The following CELF2 variants were observed in gnomAD, a reference collection of about 807,000 sequenced individuals.
The protein encoded by CELF2 is CUG triplet repeat RNA-binding protein 2.
In CELF2, 8 loss-of-function variants were observed where a neutral mutation model predicts 62.6. That is an observed-to-expected ratio of 0.13 (90% CI 0.07 to 0.23). The LOEUF is 0.23. Ranked by LOEUF, CELF2 falls within the 10% of genes least tolerant of loss-of-function variation. The pLI is 1.00. For synonymous variants in CELF2, 258 were observed against 250.0 expected (o/e 1.03, Z -0.30); for missense variants, 333 against 671.0 (o/e 0.50, Z 5.56).
the CELF2 span, among the ~76,000 whole-genome samples, chr10:10,737,788 C>T: frequency 1.3e-5 from 2 of 151,888 alleles, no homozygotes; most frequent in Admixed American, 6.6e-5. Flanking sequence ...ACCTCTGAGT[C>T]AAGGTCAAAA....
the CELF2 span, among the ~76,000 whole-genome samples, chr10:10,513,090 C>T: frequency 0.062 from 9,481 of 152,210 alleles, 470 homozygotes; most frequent in African/African-American, 0.14. Flanking sequence ...CTTGGTTATG[C>T]ACAATGATAA....
At chr10:11,168,086 G>T (rs1213491138) in intron 2 of CELF2, among the ~76,000 whole-genome samples, 1 of 152,140 alleles carries the variant, frequency 6.6e-6, no homozygotes, top group East Asian at 1.9e-4. Flanking sequence ...CCAAGTGAAA[G>T]GAAGAAATTT....
the CELF2 span, among the ~76,000 whole-genome samples, chr10:10,648,078 C>A: frequency 5.3e-5 from 8 of 152,162 alleles, no homozygotes; most frequent in African/African-American, 1.7e-4. Flanking sequence ...GTTGTGCTAT[C>A]CTCAGGATAT....
At chr10:11,087,466 AACTGGCTTCT>A (rs2047126939) in intron 1 of CELF2, among the ~76,000 whole-genome samples, 1 of 152,248 alleles carries the variant, frequency 6.6e-6, no homozygotes, top group Non-Finnish European at 1.5e-5. Context: ...GGGAAGTAGC[AACTGGCTTCT>A]CCATTTAAAT....
At chr10:10,880,639 C>T (rs558850447) in intron 1 of CELF2, among the ~76,000 whole-genome samples, 38 of 152,168 alleles carry the variant, frequency 2.5e-4, no homozygotes, top group Non-Finnish European at 3.1e-4. Context: ...AGCTAAGAAG[C>T]GAACAGACTG....
In CELF2 at chr10:11,211,940, GC is replaced by G. The variant is rs910558531; in HGVS notation, c.272-5484del. 6.6e-6 allele frequency among the ~76,000 whole-genome samples: 1 copy of G among 151,254 alleles called. No individual in the cohort carries two copies. The highest frequency in any genetic ancestry group is 2.4e-5 in the African/African-American group (1 of 41,108). On this transcript the variant is annotated intron_variant, in intron 2 of 12. Transcript: ENST00000633077. The surrounding 1 kb of genome is among the most constrained non-coding windows in gnomAD (Gnocchi z 4.8). ...CTCAAATTATCTAACAGTTAAGCAG[GC>G]AAAATACCTGAGGGAACTCTTCATG...
rs559422034 is a variant in CELF2, at chr10:10,968,308, T to C, written c.89+48309T>C. Among the ~76,000 whole-genome samples the C allele has an allele frequency of 2.0e-5, 3 of 152,300 alleles. No homozygotes were observed. In the South Asian group the frequency reaches 6.2e-4, roughly 32 times the overall value. The stretch of plus-strand genomic sequence containing the variant: ...AAATTTGGAGCACCTAGTTTTTCAT[T>C]TTCTATAAACAATCTGTGTTCCATT... On this transcript the variant is annotated intron_variant, in intron 2 of 13. Coordinates refer to the CELF2 transcript ENST00000636488.
intron 1 of CELF2, among the ~76,000 whole-genome samples, chr10:11,055,991 A>G (rs2065155548): frequency 6.6e-6 from 1 of 152,234 alleles, no homozygotes. Flanking sequence ...TTTTGTGACA[A>G]TGGCCTAAAT....
At chr10:10,977,856 A>G (rs1417172770) in intron 2 of CELF2, among the ~76,000 whole-genome samples, 1 of 152,166 alleles carries the variant, frequency 6.6e-6, no homozygotes, top group Non-Finnish European at 1.5e-5. Flanking sequence ...TTACAGTAAA[A>G]GGGGCATCTT....
the CELF2 span, among the ~76,000 whole-genome samples, chr10:10,493,576 G>C: frequency 6.6e-6 from 1 of 150,868 alleles, no homozygotes; most frequent in African/African-American, 2.4e-5. Context: ...CTGTTGCCCA[G>C]GCTGGAGTGC....
chr10:11,040,217 T>G (rs1050129581), intron 1 of CELF2, among the ~76,000 whole-genome samples: 4 of 152,188 alleles, frequency 2.6e-5, no homozygotes, highest in African/African-American at 9.7e-5. Flanking sequence ...CTTAACTGTG[T>G]TCTCTGTGAA....
upstream of CELF2, among the ~76,000 whole-genome samples, chr10:11,003,767 A>G (rs888811691): frequency 6.6e-6 from 1 of 152,156 alleles, no homozygotes; most frequent in Non-Finnish European, 1.5e-5. The surrounding 1 kb of genome is among the most constrained non-coding windows in gnomAD (Gnocchi z 4.4). Flanking sequence ...ATTTTATATG[A>G]TATCATTCGC....
At position 11,049,558 on chromosome 10, in the gene CELF2, T is replaced by TAAAAAA. The variant is rs368708381; in HGVS notation, c.74+31414_74+31419dup. Among the ~76,000 whole-genome samples the TAAAAAA allele has an allele frequency of 1.1e-4, 11 of 96,896 alleles. No homozygotes were observed. In the South Asian group the frequency reaches 1.8e-3, roughly 16 times the overall value. 63.6% of individuals were successfully genotyped at this position (96,896 alleles called of 152,430 possible). ...TATTTGTTCCTATCCCTTTCTTTAG[T>TAAAAAA]AAAAAAAAAAAAAAAAAAAAAAAAT... On this transcript the variant is annotated intron_variant, in intron 1 of 12. Coordinates refer to ENST00000633077, the MANE Select transcript of CELF2 (RefSeq NM_001326342.2).
the CELF2 span, among the ~76,000 whole-genome samples, chr10:10,728,568 CAG>C: frequency 6.6e-6 from 1 of 151,848 alleles, no homozygotes; most frequent in South Asian, 2.1e-4. Context: ...TGGAGGTTCT[CAG>C]AAGATAAATT....
rs1181766868 is a variant in CELF2, at chr10:10,995,755, C to G, written c.89+75756C>G. ...CAGAGAGACTAGGGACAGGGAGATT[C>G]CTTATGAGGTCTGATGGCCTCAACT... On this transcript the variant is annotated intron_variant, in intron 2 of 13. Transcript: ENST00000636488. This position sits in a 1 kb window ranked among gnomAD's most constrained non-coding sequence, Gnocchi z 4.7. Among the ~76,000 whole-genome samples the G allele has an allele frequency of 2.0e-5, 3 of 152,156 alleles. No homozygotes were observed. Among genetic ancestry groups the G allele is most frequent in the African/African-American group, 7.2e-5 (3 of 41,432 alleles).
intron 12 of CELF2, among the ~76,000 whole-genome samples, chr10:11,327,459 C>G (rs2095811541): frequency 6.6e-6 from 1 of 152,170 alleles, no homozygotes; most frequent in South Asian, 2.1e-4. Context: ...GCATGATGGA[C>G]TGGTTTCCAT....
the CELF2 span, among the ~76,000 whole-genome samples, chr10:10,629,716 G>A: frequency 1.1e-3 from 170 of 152,064 alleles, no homozygotes; most frequent in African/African-American, 3.9e-3. Flanking sequence ...ACTGTTTTCC[G>A]GTGAGGATGT....
At chr10:10,645,662 A>C in the CELF2 span, among the ~76,000 whole-genome samples, 11 of 152,208 alleles carry the variant, frequency 7.2e-5, no homozygotes, top group African/African-American at 2.7e-4. Context: ...TCAAAAAAAT[A>C]AAAAATAAAT....
chr10:11,317,472 C>A (rs1487172793), intron 10 of CELF2: 1 of 152,248 alleles, frequency 6.6e-6, no homozygotes, highest in East Asian at 1.9e-4. Context: ...TATCAGCTTG[C>A]AGCTTAGAAG....
Sources: allele counts gnomAD v4.1 joint callset (sites outside exome capture counted in the v4.1 genomes callset), GRCh38; gene constraint gnomAD v4.1.1; non-coding constraint Gnocchi (gnomAD v3.1); transcripts MANE v1.5; gene names NCBI Gene and HGNC (gene_info 2026-07-23, HGNC 2026-07-21).